Variants in USP24 observed in about 807,000 individuals in gnomAD.
USP24 encodes ubiquitin specific peptidase 24, also known as ubiquitin carboxyl-terminal hydrolase 24.
A neutral mutation model predicts 361.6 loss-of-function variants in USP24; 97 were observed. That is an observed-to-expected ratio of 0.27 (90% CI 0.23 to 0.32). The LOEUF (loss-of-function observed/expected upper bound fraction) is 0.32, where lower values mean the gene tolerates loss of function less well. Among genes scored for constraint, USP24 ranks in the 10% least tolerant of loss-of-function variants. USP24 has a pLI of 1.00. For synonymous variants in USP24, 1,098 were observed against 1,124.6 expected, an observed-to-expected ratio of 0.98 and a Z score of 0.47; for missense variants, 2,353 against 3,165.6, an observed-to-expected ratio of 0.74 and a Z score of 6.16.
chr1:55,164,839 T>C (rs1201806861), intron 7 of USP24, among the ~76,000 whole-genome samples: 3 of 152,026 alleles, frequency 2.0e-5, no homozygotes, highest in Non-Finnish European at 4.4e-5. Flanking sequence ...AAGAGGTTTT[T>C]CTTTGGTTTT....
Position 55,097,955 on chromosome 1 carries a change from C to T in USP24, c.5583G>A (p.Lys1861=). ...LEGSNAYYCE[K]CKEKRITVKR... Reference sequence around the variant, plus strand: ...GCAAACATAATACCTTTTCTTTACACTTTTCACAGTAGTACGCATTACTTC... The same window carrying T: ...GCAAACATAATACCTTTTCTTTACATTTTTCACAGTAGTACGCATTACTTC... The change falls in exon 47 of 68, where the codon AAG becomes AAA. Residue 1861 remains lysine, a synonymous_variant. Coordinates refer to ENST00000294383, the MANE Select transcript of USP24 (RefSeq NM_015306.3). 6.3e-7 allele frequency: 1 copy of T among 1,597,884 alleles called. No individual in the cohort carries two copies. The highest frequency in any genetic ancestry group is 8.5e-7 in the Non-Finnish European group (1 of 1,175,726).
At chr1:55,088,553 T>C (rs981279177) in intron 55 of USP24, among the ~76,000 whole-genome samples, 3 of 152,140 alleles carry the variant, frequency 2.0e-5, no homozygotes, top group Non-Finnish European at 2.9e-5. Flanking sequence ...AAGGGCAAGC[T>C]GGAACAGACT....
chr1:55,073,567 T>A (rs1315530772), intron 64 of USP24, among the ~76,000 whole-genome samples: 1 of 152,184 alleles, frequency 6.6e-6, no homozygotes, highest in Non-Finnish European at 1.5e-5. Context: ...AGCCTCCATA[T>A]CTGCCCTGAT....
At chr1:55,132,473 C>T in intron 31 of USP24, 72 bp downstream of exon 31, 1 of 1,474,664 alleles carries the variant, frequency 6.8e-7, no homozygotes, top group Non-Finnish European at 9.1e-7. Flanking sequence ...TTATTTCTGA[C>T]ATCTGAAAGC....
At chr1:55,118,439 T>C (rs934059108) in intron 38 of USP24, among the ~76,000 whole-genome samples, 2 of 152,162 alleles carry the variant, frequency 1.3e-5, no homozygotes, top group African/African-American at 4.8e-5. Flanking sequence ...CCTTACACCA[T>C]AATGCAAAAC....
In USP24 at chr1:55,110,360, T is replaced by A. The variant is rs939936383; in HGVS notation, c.4509-114A>T. 7 of 785,246 alleles carry A rather than the reference T, an allele frequency of 8.9e-6. No homozygotes were observed. The African/African-American group carries it at 1.1e-4, about 12-fold the overall frequency. The allele number at this position is 785,246 out of a possible 1,614,324, so 48.6% of individuals were successfully genotyped here. A position where few individuals can be genotyped will look rare whatever the true frequency, so the allele number is the denominator to read the frequency against. ...GTGAGCAAGATAATTTTGGTAAGCA[T>A]AACTACTTTTATATTAACTCAAATT... On this transcript the variant is annotated intron_variant, in intron 38 of 67. Transcript: ENST00000294383.
chr1:55,103,391 CCTGT>C (rs777867121), intron 42 of USP24, among the ~76,000 whole-genome samples: 2 of 152,178 alleles, frequency 1.3e-5, no homozygotes, highest in Non-Finnish European at 2.9e-5. Flanking sequence ...TGCTTATGGG[CCTGT>C]CTCTTTCACT....
chr1:55,097,275 G>A (rs775545306), intron 48 of USP24, 103 bp from the exon 49 acceptor site: 153 of 1,300,850 alleles, frequency 1.2e-4, no homozygotes, highest in Admixed American at 1.6e-4. Flanking sequence ...CCTAGTTTAA[G>A]CTAGGAACAA....
rs759208257 is a variant in USP24 at position 55,172,403 on chromosome 1, T to C, written c.676A>G (p.Thr226Ala). Reference sequence around the variant, plus strand: ...ATTGTAAGCACACCCAGGAGACCAGTGGGAATTGGATCTTGTTTTATTCTC... The same window carrying C: ...ATTGTAAGCACACCCAGGAGACCAGCGGGAATTGGATCTTGTTTTATTCTC... ...AERIKQDPIP[T>A]GLLGVLTMAF... Residue 226 changes from threonine to alanine, a missense_variant, in exon 4 of 68, where the codon ACT becomes GCT. Transcript: ENST00000294383. 3 of 1,612,948 alleles carry C rather than the reference T, an allele frequency of 1.9e-6. No individual in the cohort carries two copies. Among genetic ancestry groups the C allele is most frequent in the Non-Finnish European group, 2.5e-6 (3 of 1,179,390 alleles).
Position 55,134,396 on chromosome 1 carries a change from A to C in USP24, c.3219T>G (p.Gly1073=), listed in dbSNP as rs778817760. Residue 1073 remains glycine, a synonymous_variant, in exon 29 of 68, where the codon GGT becomes GGG. Transcript: ENST00000294383. ...CGTTACATACGAGAGCCATCACTAC[A>C]CCAGGGAGGGATTTCTCCTGATGGA... is the stretch of plus-strand genomic sequence containing the variant. ...YAMEQEKSLP[G]VVMALVCNVF... 15 of 1,611,302 alleles carry C rather than the reference A, an allele frequency of 9.3e-6. No homozygotes were observed. The highest frequency in any genetic ancestry group is 1.2e-5 in the Non-Finnish European group (14 of 1,177,978).
intron 1 of USP24, among the ~76,000 whole-genome samples, chr1:55,205,836 T>C (rs930102559): frequency 1.3e-5 from 2 of 152,196 alleles, no homozygotes; most frequent in Admixed American, 1.3e-4. Flanking sequence ...AATAACAATA[T>C]TAATATTTTA....
chr1:55,121,988 T>C (rs1053484508), intron 36 of USP24, among the ~76,000 whole-genome samples: 2 of 152,334 alleles, frequency 1.3e-5, no homozygotes, highest in East Asian at 1.9e-4. Context: ...ACTTCATTTC[T>C]GAATATTTAT....
chr1:55,153,962 A>G (rs1015447147), intron 15 of USP24, 45 bp from the exon 16 acceptor site: 1 of 1,542,746 alleles, frequency 6.5e-7, no homozygotes. Flanking sequence ...TGGTAAAAGC[A>G]ATACCTATAA....
Position 55,145,933 on chromosome 1 carries a change from TAAAGG to T in USP24, c.2362+60_2362+64del, listed in dbSNP as rs1277653184. On this transcript the variant is annotated intron_variant, in intron 20 of 67. Coordinates refer to ENST00000294383, the MANE Select transcript of USP24 (RefSeq NM_015306.3). ...TGCTTCTGAGAAGGAGGATTAAAAGTAAAGGAAAGAATAACACTTCTTACTTAAAA... is the reference window on the plus strand; with the variant it reads ...TGCTTCTGAGAAGGAGGATTAAAAGTAAAGAATAACACTTCTTACTTAAAA... The T allele has an allele frequency of 1.8e-5, 21 of 1,181,560 alleles. No homozygotes were observed. In the East Asian group the frequency reaches 2.1e-4, roughly 12 times the overall value. 73.2% of individuals were successfully genotyped at this position (1,181,560 alleles called of 1,614,324 possible).
At chr1:55,178,880 AAACAAC>A (rs562624621) in intron 1 of USP24, among the ~76,000 whole-genome samples, 6 of 151,946 alleles carry the variant, frequency 3.9e-5, no homozygotes. Context: ...AAAACAAAAC[AAACAAC>A]AACAACAACA....
chr1:55,148,819 G>A (rs1647111735), intron 16 of USP24, among the ~76,000 whole-genome samples: 1 of 152,136 alleles, frequency 6.6e-6, no homozygotes, highest in African/African-American at 2.4e-5. Flanking sequence ...AAATGTACAG[G>A]GGTACATCAG....
At position 55,128,097 on chromosome 1, in the gene USP24, C is replaced by T. The variant is rs889763925; in HGVS notation, c.3635+1380G>A. Among the ~76,000 whole-genome samples, 8 of 152,294 alleles carry T rather than the reference C, an allele frequency of 5.3e-5. No homozygotes were observed. The Middle Eastern group carries it at 0.01, about 194-fold the overall frequency. On this transcript the variant is annotated intron_variant, in intron 32 of 67. Coordinates refer to ENST00000294383, the MANE Select transcript of USP24 (RefSeq NM_015306.3). Reference sequence around the variant, plus strand: ...CTTATTTCTCTTGCTTTCCTTTGTTCGTTCCATCTCTCTGTGTTTATTTCT... The same window carrying T: ...CTTATTTCTCTTGCTTTCCTTTGTTTGTTCCATCTCTCTGTGTTTATTTCT...
At chr1:55,209,839 C>A (rs1182306289) in intron 1 of USP24, among the ~76,000 whole-genome samples, 3 of 151,962 alleles carry the variant, frequency 2.0e-5, no homozygotes, top group East Asian at 1.9e-4. Flanking sequence ...TCTACTAAAT[C>A]TTTTTTAACA....
intron 10 of USP24, among the ~76,000 whole-genome samples, chr1:55,158,617 G>A (rs1471147568): frequency 6.6e-6 from 1 of 152,078 alleles, no homozygotes; most frequent in African/African-American, 2.4e-5. Flanking sequence ...ATCTCAAACT[G>A]TATATTCTAA....
Sources: allele counts gnomAD v4.1 joint callset (sites outside exome capture counted in the v4.1 genomes callset), GRCh38; gene constraint gnomAD v4.1.1; transcripts MANE v1.5; gene names NCBI Gene and HGNC (gene_info 2026-07-23, HGNC 2026-07-21).